Variants in GPC3 observed in about 807,000 individuals in gnomAD.
GPC3 encodes the protein glypican-3.
In GPC3, 3 loss-of-function variants were observed where a neutral mutation model predicts 34.4. The ratio of observed to expected loss-of-function variants is 0.09; its 90% CI spans 0.04 to 0.23. The LOEUF (loss-of-function observed/expected upper bound fraction) is 0.23. GPC3 is among the 10% of genes least tolerant of loss of function. The pLI is 1.00. For synonymous variants in GPC3, 177 were observed against 174.0 expected (o/e 1.02, Z -0.13); for missense variants, 351 against 445.6 (o/e 0.79, Z 1.91).
At chrX:133,912,375 A>C (rs774183976) in intron 2 of GPC3, among the ~76,000 whole-genome samples, 9 of 112,300 alleles carry the variant, frequency 8.0e-5, no homozygotes, top group Non-Finnish European at 1.3e-4. Context: ...GGCAGCCCAG[A>C]GCACGCAGTA....
At chrX:133,952,908 C>A in intron 2 of GPC3, 142 bp downstream of exon 2, 1 of 564,986 alleles carries the variant, frequency 1.8e-6, no homozygotes, top group South Asian at 2.7e-5. Flanking sequence ...TTTTTTAAAC[C>A]AGAATTTCTC....
In GPC3 at chrX:133,784,885, C is replaced by T. The variant is rs148228441; in HGVS notation, c.338-30709G>A. On this transcript the variant is annotated intron_variant, in intron 2 of 7. Transcript: ENST00000370818. ...CTCTCCATTTCCTCTCTTTCCTCCCCGCCGGCCCTAGGCAACCACTACTCT... is the reference window on the plus strand; with the variant it reads ...CTCTCCATTTCCTCTCTTTCCTCCCTGCCGGCCCTAGGCAACCACTACTCT... Among the ~76,000 whole-genome samples, 49 of 112,053 alleles carry T rather than the reference C, an allele frequency of 4.4e-4. No homozygotes were observed. The East Asian group carries it at 0.012, about 28-fold the overall frequency.
chrX:133,565,467 C>T (rs1056656487), intron 7 of GPC3, among the ~76,000 whole-genome samples: 1 of 112,179 alleles, frequency 8.9e-6, no homozygotes, highest in Non-Finnish European at 1.9e-5. Flanking sequence ...CTGTGCCTAA[C>T]ACTGTGCTAG....
chrX:133,889,756 C>G (rs1011500714), intron 2 of GPC3, among the ~76,000 whole-genome samples: 1 of 105,088 alleles, frequency 9.5e-6, no homozygotes, highest in African/African-American at 3.5e-5. Flanking sequence ...AAGAAAATAA[C>G]CACCCCCACC....
At position 133,890,628 on chromosome X, in the gene GPC3, C is replaced by T. The variant is rs750414801; in HGVS notation, c.337+62422G>A. Among the ~76,000 whole-genome samples the T allele has an allele frequency of 4.5e-5, 5 of 109,993 alleles. No individual in the cohort carries two copies. The East Asian group carries it at 8.5e-4, about 19-fold the overall frequency. ...ATCCTAGCACTTTGAGAGGCCGACG[C>T]GGGTGGATCATCTGAGATCAGGAGT... On this transcript the variant is annotated intron_variant, in intron 2 of 7. Coordinates refer to ENST00000370818, the MANE Select transcript of GPC3 (RefSeq NM_004484.4).
intron 6 of GPC3, among the ~76,000 whole-genome samples, chrX:133,611,151 G>A (rs772155113): frequency 1.2e-3 from 126 of 103,684 alleles, no homozygotes; most frequent in African/African-American, 4.3e-3. Flanking sequence ...TCTTCTTCCT[G>A]AATCCTTAGC....
At chrX:133,883,903 C>CT (rs941805173) in intron 2 of GPC3, among the ~76,000 whole-genome samples, 7 of 111,863 alleles carry the variant, frequency 6.3e-5, no homozygotes, top group Non-Finnish European at 9.4e-5. Flanking sequence ...AAGCTGTCTT[C>CT]TTTTTTCTGG....
rs369897425 is a variant in GPC3 at position 133,658,759 on chromosome X, G to A, written c.1413+2971C>T. On this transcript the variant is annotated intron_variant, in intron 6 of 7. Coordinates refer to ENST00000370818, the MANE Select transcript of GPC3 (RefSeq NM_004484.4). ...TGGTATTTGTATAGAAACTGAAAAT[G>A]TTCATGCACATATTCATGGCCAGAG... Among the ~76,000 whole-genome samples, 36 of 112,026 alleles carry A rather than the reference G, an allele frequency of 3.2e-4. 1 individual carries two copies. In the South Asian group the frequency reaches 0.013, roughly 41 times the overall value.
intron 2 of GPC3, among the ~76,000 whole-genome samples, chrX:133,807,492 A>T (rs1319598221): frequency 8.9e-6 from 1 of 112,293 alleles, no homozygotes; most frequent in Admixed American, 9.4e-5. Context: ...AAATGGTATG[A>T]ACCTGACACA....
chrX:133,873,346 C>A (rs1402652437), intron 2 of GPC3, among the ~76,000 whole-genome samples: 1 of 112,329 alleles, frequency 8.9e-6, no homozygotes, highest in Non-Finnish European at 1.9e-5. Context: ...GGTTTCCAGG[C>A]AGGCCAGCCA....
intron 2 of GPC3, among the ~76,000 whole-genome samples, chrX:133,795,066 C>T (rs778363019): frequency 1.2e-4 from 13 of 111,952 alleles, no homozygotes; most frequent in African/African-American, 3.9e-4. Context: ...TTCACTGAAC[C>T]GCTATGTATC....
At chrX:133,849,046 C>A (rs1229661141) in intron 2 of GPC3, among the ~76,000 whole-genome samples, 2 of 103,389 alleles carry the variant, frequency 1.9e-5, no homozygotes, top group Admixed American at 1.1e-4. Flanking sequence ...GGTTAAATAG[C>A]AAATGCTTGA....
intron 1 of GPC3, among the ~76,000 whole-genome samples, chrX:133,981,847 C>G (rs539571683): frequency 2.0e-4 from 23 of 112,330 alleles, no homozygotes; most frequent in Middle Eastern, 4.6e-3. Context: ...TTTGGCTGTT[C>G]AAGACTGCCT....
chrX:133,692,658 T>TA (rs1569415278), intron 4 of GPC3, among the ~76,000 whole-genome samples, 164 bp from the exon 5 acceptor site: 4 of 112,673 alleles, frequency 3.6e-5, no homozygotes, highest in African/African-American at 1.3e-4. Flanking sequence ...TAGTTTTTTT[T>TA]TAAAAATCAA....
intron 1 of GPC3, among the ~76,000 whole-genome samples, chrX:133,978,402 A>G (rs904748831): frequency 4.4e-5 from 5 of 112,439 alleles, no homozygotes; most frequent in South Asian, 3.7e-4. Context: ...GAAGATAAGC[A>G]TATGCATTTA....
intron 1 of GPC3, 124 bp from the exon 2 acceptor site, chrX:133,953,335 C>A: frequency 1.8e-6 from 1 of 559,691 alleles, no homozygotes; most frequent in East Asian, 3.4e-5. Context: ...CAATGCATTT[C>A]TTTTGAGATA....
intron 2 of GPC3, among the ~76,000 whole-genome samples, chrX:133,755,711 C>T (rs73564933): frequency 0.048 from 5,393 of 111,740 alleles, 342 homozygotes; most frequent in African/African-American, 0.17. Flanking sequence ...TGAATGTTCA[C>T]TTGGTTTTTT....
chrX:133,837,126 CT>C (rs1465108496), intron 2 of GPC3, among the ~76,000 whole-genome samples: 14 of 111,665 alleles, frequency 1.3e-4, no homozygotes, highest in Non-Finnish European at 9.4e-5. Flanking sequence ...TTTGAGCCCC[CT>C]GAGCTTGGGG....
At chrX:133,856,859 A>T (rs1603260732) in intron 2 of GPC3, among the ~76,000 whole-genome samples, 1 of 111,947 alleles carries the variant, frequency 8.9e-6, no homozygotes, top group Non-Finnish European at 1.9e-5. Flanking sequence ...CAATACTTTT[A>T]GGCCCTATCT....
Sources: gnomAD v4.1 joint callset for allele counts (sites outside exome capture counted in the v4.1 genomes callset) on GRCh38, gnomAD v4.1.1 for gene constraint, MANE v1.5 for transcripts, NCBI Gene and HGNC (gene_info 2026-07-23, HGNC 2026-07-21) for gene names.